Variants in CCDC178 observed in about 807,000 individuals in gnomAD.
The protein encoded by CCDC178 is coiled-coil domain-containing protein 178.
Under a neutral mutation model 117.4 loss-of-function variants are expected in CCDC178, and 126 were observed. That is an observed-to-expected ratio of 1.07 (90% CI 0.93 to 1.24). The LOEUF (loss-of-function observed/expected upper bound fraction) is 1.24, where lower values mean the gene tolerates loss of function less well. Ranked by LOEUF, CCDC178 falls within the 50% of genes most tolerant of loss-of-function variation. CCDC178 has a pLI of 0.00. For missense variants in CCDC178, 1,030 were observed against 986.9 expected, an observed-to-expected ratio of 1.04 and a Z score of -0.59; for synonymous variants, 283 against 313.4, an observed-to-expected ratio of 0.90 and a Z score of 1.02.
intron 12 of CCDC178, among the ~76,000 whole-genome samples, chr18:33,276,774 G>A (rs2059956255): frequency 3.3e-5 from 5 of 152,042 alleles, no homozygotes; most frequent in Admixed American, 2.6e-4. Flanking sequence ...TAATGGTCAA[G>A]TAAGATTTAT....
intron 20 of CCDC178, among the ~76,000 whole-genome samples, chr18:33,171,203 C>T (rs374934753): frequency 2.2e-4 from 34 of 152,228 alleles, no homozygotes; most frequent in African/African-American, 7.0e-4. Flanking sequence ...TTCCTGAAAG[C>T]AAATAACGAG....
chr18:33,416,371 G>A (rs1178468964), intron 2 of CCDC178, among the ~76,000 whole-genome samples: 1 of 151,646 alleles, frequency 6.6e-6, no homozygotes, highest in Non-Finnish European at 1.5e-5. Flanking sequence ...AGCTTGCGGT[G>A]AGCAGAGATC....
rs531134963 is a variant in CCDC178, at chr18:33,338,302, G to T, written c.659-4908C>A. Among the ~76,000 whole-genome samples, 257 of 152,270 alleles carry T rather than the reference G, an allele frequency of 1.7e-3. 3 individuals carry two copies. Among genetic ancestry groups the T allele is most frequent in the African/African-American group, 6.0e-3 (251 of 41,564 alleles). ...AAAAGGAAACACTTTTACACTGCTG[G>T]TGAGAATGTAAACTAATTCAGCTAC... On this transcript the variant is annotated intron_variant, in intron 9 of 22. Coordinates refer to ENST00000383096, the MANE Select transcript of CCDC178 (RefSeq NM_001105528.4).
At chr18:33,415,078 T>C (rs930001020) in intron 2 of CCDC178, among the ~76,000 whole-genome samples, 1 of 152,112 alleles carries the variant, frequency 6.6e-6, no homozygotes, top group African/African-American at 2.4e-5. Context: ...TGGGGAGAAA[T>C]AGGAACACTT....
intron 20 of CCDC178, among the ~76,000 whole-genome samples, chr18:33,209,837 C>T (rs1431094015): frequency 6.6e-6 from 1 of 151,970 alleles, no homozygotes; most frequent in Non-Finnish European, 1.5e-5. Flanking sequence ...TAACAGAATC[C>T]TTAAGTGCTA....
At chr18:33,056,779 A>G (rs921322218) in intron 21 of CCDC178, among the ~76,000 whole-genome samples, 7 of 152,166 alleles carry the variant, frequency 4.6e-5, no homozygotes, top group Non-Finnish European at 8.8e-5. Context: ...CTCAGGCTAG[A>G]GTAAAAAGCA....
At chr18:33,112,957 A>G (rs1036731974) in intron 20 of CCDC178, among the ~76,000 whole-genome samples, 8 of 152,000 alleles carry the variant, frequency 5.3e-5, no homozygotes, top group Admixed American at 1.3e-4. Context: ...GCTAATCCCT[A>G]GGATTCCTAC....
intron 11 of CCDC178, among the ~76,000 whole-genome samples, chr18:33,318,452 A>G (rs1179219721): frequency 6.6e-6 from 1 of 152,224 alleles, no homozygotes; most frequent in African/African-American, 2.4e-5. Flanking sequence ...ACAAAAGGAA[A>G]TGATTTAAAT....
intron 2 of CCDC178, among the ~76,000 whole-genome samples, chr18:33,433,135 T>G (rs111544778): frequency 6.6e-6 from 1 of 152,172 alleles, no homozygotes; most frequent in Non-Finnish European, 1.5e-5. Context: ...AGGGGAGTAT[T>G]GAGTTTTCCC....
intron 4 of CCDC178, among the ~76,000 whole-genome samples, chr18:33,392,527 C>G (rs973263529): frequency 1.3e-5 from 2 of 152,000 alleles, no homozygotes; most frequent in African/African-American, 4.8e-5. Flanking sequence ...TGTGGTATGT[C>G]CAGAGTATTA....
intron 21 of CCDC178, among the ~76,000 whole-genome samples, chr18:33,083,176 C>G (rs2057324077): frequency 6.6e-6 from 1 of 152,174 alleles, no homozygotes; most frequent in African/African-American, 2.4e-5. Flanking sequence ...TTTTACAGAT[C>G]AGGAACCACA....
chr18:32,976,932 A>T (rs1366553798), intron 21 of CCDC178, among the ~76,000 whole-genome samples: 1 of 152,160 alleles, frequency 6.6e-6, no homozygotes, highest in East Asian at 1.9e-4. Context: ...AAGAGGCCAT[A>T]ATCTTATAGA....
chr18:33,258,860 G>A (rs1468041593), intron 14 of CCDC178, among the ~76,000 whole-genome samples: 1 of 151,962 alleles, frequency 6.6e-6, no homozygotes, highest in Non-Finnish European at 1.5e-5. Context: ...TTCTCAAAGT[G>A]CTAAAAGATA....
chr18:33,022,195 C>G (rs2056135908), intron 21 of CCDC178, among the ~76,000 whole-genome samples: 1 of 152,034 alleles, frequency 6.6e-6, no homozygotes, highest in African/African-American at 2.4e-5. Flanking sequence ...TTTTCCCATT[C>G]TTTTGTGTGC....
At chr18:33,351,657 C>T (rs1251004963) in intron 7 of CCDC178, among the ~76,000 whole-genome samples, 1 of 152,198 alleles carries the variant, frequency 6.6e-6, no homozygotes, top group Non-Finnish European at 1.5e-5. Context: ...ATCCTCCAAA[C>T]TCAGTCTCTG....
At chr18:33,152,209 C>T (rs965087567) in intron 20 of CCDC178, among the ~76,000 whole-genome samples, 1 of 151,992 alleles carries the variant, frequency 6.6e-6, no homozygotes, top group African/African-American at 2.4e-5. Context: ...AAATGGAAAC[C>T]AGAAAATAAA....
At chr18:33,160,958 G>C (rs1024742239) in intron 20 of CCDC178, among the ~76,000 whole-genome samples, 2 of 152,128 alleles carry the variant, frequency 1.3e-5, no homozygotes, top group Non-Finnish European at 2.9e-5. Context: ...ATAGGAAAGA[G>C]AATGGCAACA....
At chr18:33,082,496 G>A (rs902770002) in intron 21 of CCDC178, among the ~76,000 whole-genome samples, 7 of 152,108 alleles carry the variant, frequency 4.6e-5, no homozygotes, top group Admixed American at 2.6e-4. Flanking sequence ...AATACTTAGA[G>A]CATAGCATGC....
At chr18:32,987,850 C>A (rs1050603945) in intron 21 of CCDC178, among the ~76,000 whole-genome samples, 10 of 152,036 alleles carry the variant, frequency 6.6e-5, no homozygotes, top group African/African-American at 2.4e-4. Context: ...GTAATCCCAG[C>A]ACTTTGGGAG....
Sources: allele counts gnomAD v4.1 joint callset (sites outside exome capture counted in the v4.1 genomes callset), GRCh38; gene constraint gnomAD v4.1.1; transcripts MANE v1.5; gene names NCBI Gene and HGNC (gene_info 2026-07-23, HGNC 2026-07-21).